The following HNRNPH1 variants were observed in gnomAD, a reference collection of about 807,000 sequenced individuals.
HNRNPH1 encodes heterogeneous nuclear ribonucleoprotein H1, also known as heterogeneous nuclear ribonucleoprotein H.
Under a neutral mutation model 58.6 loss-of-function variants are expected in HNRNPH1, and 4 were observed. That is an observed-to-expected ratio of 0.07 (90% confidence interval 0.03 to 0.16). The LOEUF (loss-of-function observed/expected upper bound fraction) is 0.16, where lower values mean the gene tolerates loss of function less well. Among genes scored for constraint, HNRNPH1 ranks in the 10% least tolerant of loss-of-function variants. The pLI, the probability that HNRNPH1 is intolerant of heterozygous loss-of-function variation, is 1.00. For synonymous variants in HNRNPH1, 192 were observed against 189.2 expected (o/e 1.01, Z -0.12); for missense variants, 271 against 564.2 (o/e 0.48, Z 5.26).
chr5:179,616,014 C>A (rs1769382804), intron 11 of HNRNPH1, 112 bp downstream of exon 12: 1 of 909,636 alleles, frequency 1.1e-6, no homozygotes, highest in African/African-American at 1.7e-5. Flanking sequence ...AAGGCACCTG[C>A]CTGCGACTTA....
exon 1 of HNRNPH1, chr5:179,623,039 G>A (rs1238077586): frequency 1.9e-6 from 3 of 1,547,468 alleles, no homozygotes; most frequent in African/African-American, 1.4e-5. Flanking sequence ...TAACTCACCA[G>A]AAAAAAACCT....
chr5:179,623,311 G>T, exon 1 of HNRNPH1: 1 of 468,270 alleles, frequency 2.1e-6, no homozygotes, highest in East Asian at 4.0e-5. Flanking sequence ...CTCGTCCGGC[G>T]ACCGGACCCC....
At chr5:179,626,412 T>G (rs1363105372), upstream of HNRNPH1, among the ~76,000 whole-genome samples, 1 of 151,688 alleles carries the variant, frequency 6.6e-6, no homozygotes, top group East Asian at 2.0e-4. Flanking sequence ...GCCAAAGGTT[T>G]TTTTAAATAA....
chr5:179,624,652 C>A, exon 1 of HNRNPH1: 1 of 398,556 alleles, frequency 2.5e-6, no homozygotes, highest in South Asian at 1.3e-4. Flanking sequence ...GACTAATGTT[C>A]GTGGTTTCTA....
At position 179,619,266 on chromosome 5, in the gene HNRNPH1, C is replaced by T. The variant is rs1329939912; in HGVS notation, c.536+3G>A. 6.2e-7 allele frequency: 1 copy of T among 1,606,964 alleles called. No individual in the cohort carries two copies. On this transcript the variant is annotated splice_donor_region_variant and intron_variant, in intron 4 of 12. Coordinates refer to ENST00000356731, the Ensembl canonical transcript of HNRNPH1. The stretch of plus-strand genomic sequence containing the variant: ...ACATATCCAACCAACCATCCATCCC[C>T]ACCTGTGCCCTATTCTTTCCTTGTG...
Position 179,620,798 on chromosome 5 carries a change from G to C in HNRNPH1, c.397+94C>G. 4 of 1,078,074 alleles carry C rather than the reference G, an allele frequency of 3.7e-6. No individual in the cohort carries two copies. The South Asian group carries it at 5.8e-5, about 16-fold the overall frequency. The allele number at this position is 1,078,074 out of a possible 1,614,324, so 66.8% of individuals were successfully genotyped here. ...ATTCATTGGCAATTTACAACCTACTGAAATACCTAAGCTACTCAACTTTAA... is the reference window on the plus strand; with the variant it reads ...ATTCATTGGCAATTTACAACCTACTCAAATACCTAAGCTACTCAACTTTAA... On this transcript the variant is annotated intron_variant, in intron 3 of 12. Transcript: ENST00000356731.
At chr5:179,631,830 A>G (rs1204412332) in intron 2 of HNRNPH1, among the ~76,000 whole-genome samples, 1 of 152,122 alleles carries the variant, frequency 6.6e-6, no homozygotes, top group East Asian at 1.9e-4. Context: ...AGGTGGGAGG[A>G]TCGCTTGAGC....
At chr5:179,627,594 C>T (rs570404643), upstream of HNRNPH1, among the ~76,000 whole-genome samples, 11 of 151,958 alleles carry the variant, frequency 7.2e-5, no homozygotes, top group African/African-American at 2.2e-4. Flanking sequence ...CTCCACCTCC[C>T]GGGTTCAAGC....
intron 4 of HNRNPH1, 93 bp from the exon 6 acceptor site, chr5:179,618,416 G>A: frequency 1.2e-6 from 1 of 851,968 alleles, no homozygotes; most frequent in African/African-American, 1.7e-5. Context: ...AAACAATCTA[G>A]TCATAGCCAT....
intron 12 of HNRNPH1, 129 bp from the exon 14 acceptor site, chr5:179,615,088 T>C (rs1768869956): frequency 1.5e-6 from 1 of 657,336 alleles, no homozygotes; most frequent in Non-Finnish European, 2.7e-6. Context: ...GCGAGACGCA[T>C]GTTTGGGAAA....
chr5:179,619,124 GGACT>G, intron 4 of HNRNPH1, 141 bp downstream of exon 5: 1 of 698,374 alleles, frequency 1.4e-6, no homozygotes, highest in Non-Finnish European at 2.3e-6. Context: ...GTGTAACGTG[GGACT>G]GACACAAGTT....
chr5:179,633,516 G>C (rs950490545), intron 2 of HNRNPH1, among the ~76,000 whole-genome samples: 4 of 130,460 alleles, frequency 3.1e-5, no homozygotes, highest in African/African-American at 1.2e-4. Context: ...GTTTCACCGT[G>C]TCAGCCGGGA....
At chr5:179,630,707 T>A (rs550323650) in intron 2 of HNRNPH1, among the ~76,000 whole-genome samples, 90 of 152,080 alleles carry the variant, frequency 5.9e-4, no homozygotes, top group Non-Finnish European at 1.0e-3. Flanking sequence ...GTCAAGAGAT[T>A]GAGATCATCC....
intron 3 of HNRNPH1, among the ~76,000 whole-genome samples, chr5:179,620,406 T>C (rs940016915): frequency 1.3e-5 from 2 of 152,228 alleles, no homozygotes; most frequent in Admixed American, 6.5e-5. Context: ...AGTAAGTTTA[T>C]ACCACACAGG....
intron 2 of HNRNPH1, among the ~76,000 whole-genome samples, chr5:179,633,620 A>T (rs370783956): frequency 2.0e-5 from 3 of 152,044 alleles, no homozygotes; most frequent in Non-Finnish European, 4.4e-5. Flanking sequence ...CCTGTCCAAA[A>T]AATAAAATAA....
intron 12 of HNRNPH1, chr5:179,615,280 G>C: frequency 2.3e-6 from 1 of 440,124 alleles, no homozygotes; most frequent in Non-Finnish European, 4.0e-6. Flanking sequence ...GCTAAACAAG[G>C]CATTTTTAAA....
upstream of HNRNPH1, among the ~76,000 whole-genome samples, chr5:179,628,326 T>A (rs567008730): frequency 1.8e-4 from 27 of 152,292 alleles, no homozygotes; most frequent in African/African-American, 6.3e-4. Context: ...TGTGTTTTAT[T>A]TATTTTCTTC....
intron 2 of HNRNPH1, among the ~76,000 whole-genome samples, chr5:179,631,702 G>A (rs1229729067): frequency 6.6e-6 from 1 of 151,770 alleles, no homozygotes; most frequent in Non-Finnish European, 1.5e-5. Flanking sequence ...AGCTGAGTTC[G>A]CGCCACTGTA....
chr5:179,622,700 C>G (rs1423633608), intron 1 of HNRNPH1: 1 of 152,402 alleles, frequency 6.6e-6, no homozygotes, highest in Non-Finnish European at 1.5e-5. Flanking sequence ...GACAGAGACT[C>G]CAACTCAAAA....
Sources: allele counts gnomAD v4.1 joint callset (sites outside exome capture counted in the v4.1 genomes callset), GRCh38; gene constraint gnomAD v4.1.1; transcripts MANE v1.5; gene names NCBI Gene and HGNC (gene_info 2026-07-23, HGNC 2026-07-21).